Variants in DDX60 observed in about 807,000 individuals in gnomAD.
DDX60 encodes the protein probable ATP-dependent RNA helicase DDX60.
A neutral mutation model predicts 212.8 loss-of-function variants in DDX60; 165 were observed. The ratio of observed to expected loss-of-function variants is 0.78; its 90% CI spans 0.68 to 0.88. The LOEUF (loss-of-function observed/expected upper bound fraction) is 0.88, where lower values mean the gene tolerates loss of function less well. Among genes scored for constraint, DDX60 ranks in the 40% least tolerant of loss-of-function variants. The pLI, the probability that DDX60 is intolerant of heterozygous loss-of-function variation, is 0.00. For missense variants in DDX60, 1,905 were observed against 2,003.9 expected, an observed-to-expected ratio of 0.95 and a Z score of 0.94; for synonymous variants, 703 against 685.3, an observed-to-expected ratio of 1.03 and a Z score of -0.40.
intron 30 of DDX60, among the ~76,000 whole-genome samples, chr4:168,244,652 G>C (rs1207287274): frequency 3.3e-5 from 5 of 152,130 alleles, no homozygotes; most frequent in Admixed American, 6.5e-5. Flanking sequence ...TTGAACCTGG[G>C]AGGCGGAGGT....
At chr4:168,297,175 C>T (rs1044115964) in intron 6 of DDX60, among the ~76,000 whole-genome samples, 5 of 151,698 alleles carry the variant, frequency 3.3e-5, no homozygotes, top group Non-Finnish European at 5.9e-5. Context: ...TCCCAAAGTG[C>T]TGGGATTACA....
At position 168,244,820 on chromosome 4, in the gene DDX60, G is replaced by T. The variant is rs149426288; in HGVS notation, c.4164+1598C>A. 2.1e-3 allele frequency among the ~76,000 whole-genome samples: 320 copies of T among 152,180 alleles called. 5 individuals carry two copies. Among genetic ancestry groups the T allele is most frequent in the African/African-American group, 7.5e-3 (310 of 41,544 alleles). On this transcript the variant is annotated intron_variant, in intron 30 of 37. Coordinates refer to ENST00000393743, the MANE Select transcript of DDX60 (RefSeq NM_017631.6). ...AAAATCCACATTTGCATTATGAAGA[G>T]CCATAACTGACACTTAAGACCATCA...
At chr4:168,255,998 C>A in intron 25 of DDX60, 129 bp from the exon 26 acceptor site, 2 of 920,874 alleles carry the variant, frequency 2.2e-6, no homozygotes, top group South Asian at 2.0e-5. Context: ...ATAAATGTTA[C>A]CCAGAATGTG....
intron 29 of DDX60, among the ~76,000 whole-genome samples, chr4:168,247,064 A>T (rs1734049807): frequency 6.6e-6 from 1 of 152,224 alleles, no homozygotes; most frequent in South Asian, 2.1e-4. Context: ...AAATATGGGC[A>T]CAAACAGAAT....
intron 29 of DDX60, among the ~76,000 whole-genome samples, 189 bp from the exon 30 acceptor site, chr4:168,246,807 C>T (rs2149502136): frequency 6.6e-6 from 1 of 152,284 alleles, no homozygotes; most frequent in Non-Finnish European, 1.5e-5. Flanking sequence ...GATCTAAAAA[C>T]TGAGACATCT....
At chr4:168,248,094 T>C in intron 29 of DDX60, 94 bp downstream of exon 29, 3 of 757,630 alleles carry the variant, frequency 4.0e-6, no homozygotes, top group Non-Finnish European at 6.2e-6. Context: ...TACTGTGAAT[T>C]GTGGCATGTT....
At chr4:168,301,089 A>C (rs1736629831) in intron 6 of DDX60, among the ~76,000 whole-genome samples, 1 of 152,214 alleles carries the variant, frequency 6.6e-6, no homozygotes, top group African/African-American at 2.4e-5. Flanking sequence ...CTGAATCTAT[A>C]AAAATCAAAA....
intron 7 of DDX60, among the ~76,000 whole-genome samples, chr4:168,293,170 G>A (rs1181861872): frequency 1.3e-5 from 2 of 152,108 alleles, no homozygotes; most frequent in African/African-American, 4.8e-5. Context: ...TATATTGGGG[G>A]AAGGAAAACA....
Position 168,283,519 on chromosome 4 carries a change from G to A in DDX60, c.1649C>T (p.Ser550Phe). The change falls in exon 13 of 38, where the codon TCT becomes TTT. Residue 550 changes from serine to phenylalanine, a missense_variant. Transcript: ENST00000393743. ...AGTTTGAGTCACGATGATTTTCGAA[G>A]AGACTGTTTCTAATGAATTCCCATA... The part of the protein sequence containing the change: ...RFYGNSLETV[S>F]SKIIVTQTIK... 1.2e-6 allele frequency: 2 copies of A among 1,613,486 alleles called. No individual in the cohort carries two copies. Among genetic ancestry groups the A allele is most frequent in the African/African-American group, 1.3e-5 (1 of 74,988 alleles).
rs143342606 is a variant in DDX60, at chr4:168,267,257, G to A, written c.3039+325C>T. 2.4e-3 allele frequency among the ~76,000 whole-genome samples: 358 copies of A among 152,294 alleles called. 1 individual carries two copies. The highest frequency in any genetic ancestry group is 8.3e-3 in the African/African-American group (343 of 41,562). On this transcript the variant is annotated intron_variant, in intron 22 of 37. Coordinates refer to ENST00000393743, the MANE Select transcript of DDX60 (RefSeq NM_017631.6). ...TGGCTGCACTATGAGAAGAATTAGT[G>A]TCAGAGGGGTAGACAGACAGACATG...
At chr4:168,233,353 A>C (rs960304765) in intron 33 of DDX60, among the ~76,000 whole-genome samples, 4 of 152,128 alleles carry the variant, frequency 2.6e-5, no homozygotes, top group African/African-American at 9.7e-5. Context: ...CAATCCCACT[A>C]CTTGGTACCT....
chr4:168,285,880 AAAGGAAGGAGGGAAGAAAGG>A (rs1384308418), intron 10 of DDX60, among the ~76,000 whole-genome samples: 1 of 135,292 alleles, frequency 7.4e-6, no homozygotes, highest in South Asian at 2.6e-4. Context: ...TGGGAAGAAG[AAAGGAAGGAGGGAAGAAAGG>A]AAGGAAGGAA....
chr4:168,305,610 T>C (rs1269891704), intron 5 of DDX60, among the ~76,000 whole-genome samples: 2 of 148,940 alleles, frequency 1.3e-5, no homozygotes, highest in East Asian at 3.9e-4. Flanking sequence ...TAAATAAATT[T>C]ATTATAATTT....
intron 14 of DDX60, among the ~76,000 whole-genome samples, chr4:168,279,494 G>T (rs1424924785): frequency 6.6e-6 from 1 of 152,202 alleles, no homozygotes; most frequent in Non-Finnish European, 1.5e-5. Flanking sequence ...ATGATAAGGT[G>T]CTGGAAATTA....
At chr4:168,272,164 T>C in intron 18 of DDX60, 26 bp from the exon 19 acceptor site, 1 of 1,535,926 alleles carries the variant, frequency 6.5e-7, no homozygotes, top group Non-Finnish European at 8.8e-7. Flanking sequence ...TTGTGTGAAG[T>C]AACATTTTGA....
chr4:168,325,358 T>C, the DDX60 span, among the ~76,000 whole-genome samples: 3 of 152,252 alleles, frequency 2.0e-5, no homozygotes, highest in Non-Finnish European at 4.4e-5. Flanking sequence ...AAAATTAGGA[T>C]GCCAACAATT....
At chr4:168,218,706 T>G (rs1472670962) in intron 37 of DDX60, among the ~76,000 whole-genome samples, 1 of 152,146 alleles carries the variant, frequency 6.6e-6, no homozygotes, top group African/African-American at 2.4e-5. Context: ...CCCCCATCTC[T>G]GTCAAATGCC....
chr4:168,310,301 T>A (rs1737073025), intron 3 of DDX60, among the ~76,000 whole-genome samples: 1 of 152,158 alleles, frequency 6.6e-6, no homozygotes, highest in Non-Finnish European at 1.5e-5. Context: ...GAAAGAATTG[T>A]CAATGCTATG....
intron 14 of DDX60, among the ~76,000 whole-genome samples, chr4:168,279,319 GT>G (rs949862861): frequency 2.4e-4 from 36 of 152,294 alleles, no homozygotes; most frequent in African/African-American, 7.7e-4. Flanking sequence ...TCCCAAATCT[GT>G]TTTTGTTGAA....
Sources: allele counts gnomAD v4.1 joint callset (sites outside exome capture counted in the v4.1 genomes callset), GRCh38; gene constraint gnomAD v4.1.1; transcripts MANE v1.5; gene names NCBI Gene and HGNC (gene_info 2026-07-23, HGNC 2026-07-21).